The following NBEA variants were observed in gnomAD, a reference collection of about 807,000 sequenced individuals.
NBEA encodes the protein neurobeachin, also known as lysosomal-trafficking regulator 2.
NBEA carries 44 observed loss-of-function variants against 343.4 expected under a neutral mutation model. That is an observed-to-expected ratio of 0.13 (90% CI 0.10 to 0.16). The LOEUF (loss-of-function observed/expected upper bound fraction) is 0.16. NBEA is among the 10% of genes least tolerant of loss of function. NBEA has a pLI of 1.00. For missense variants in NBEA, 2,555 were observed against 3,631.3 expected (o/e 0.70, Z 7.62); for synonymous variants, 1,175 against 1,238.7 (o/e 0.95, Z 1.08).
chr13:35,287,741 A>G (rs907955892), intron 34 of NBEA, among the ~76,000 whole-genome samples: 1 of 152,004 alleles, frequency 6.6e-6, no homozygotes, highest in African/African-American at 2.4e-5. Flanking sequence ...CAAACTATTC[A>G]TGTAGCTCTG....
Position 35,671,389 on chromosome 13 carries a change from GAA to G in NBEA, c.*412_*413del, listed in dbSNP as rs35377813. ...CATTTCCAGCCTCTTTTCAAGCTGA[GAA>G]AAAAAAAAAAAAACACGTTTGATAC... On this transcript the variant is annotated 3_prime_UTR_variant, in exon 59 of 59. Transcript: ENST00000379939. 44 of 113,890 alleles carry G rather than the reference GAA, an allele frequency of 3.9e-4. No individual in the cohort carries two copies. The highest frequency in any genetic ancestry group is 5.7e-3 in the Middle Eastern group (1 of 174). The allele number at this position is 113,890 out of a possible 1,614,324, so 7.1% of individuals were successfully genotyped here. A position where few individuals can be genotyped will look rare whatever the true frequency, so the allele number is the denominator to read the frequency against.
At chr13:35,606,049 A>AT (rs1043556967) in intron 47 of NBEA, among the ~76,000 whole-genome samples, 1 of 152,142 alleles carries the variant, frequency 6.6e-6, no homozygotes, top group Non-Finnish European at 1.5e-5. Context: ...TAGTTCATAA[A>AT]TTTTCAGATG....
At chr13:34,975,409 T>G (rs951439231) in intron 1 of NBEA, among the ~76,000 whole-genome samples, 11 of 152,176 alleles carry the variant, frequency 7.2e-5, no homozygotes, top group Admixed American at 6.6e-4. Context: ...ACAAGCCACA[T>G]GTAGAAGAAT....
chr13:35,183,271 C>T (rs2071440936), intron 29 of NBEA, among the ~76,000 whole-genome samples: 2 of 151,940 alleles, frequency 1.3e-5, no homozygotes, highest in Non-Finnish European at 2.9e-5. Context: ...AAGGTTGTTT[C>T]TCTATTGTTT....
intron 49 of NBEA, among the ~76,000 whole-genome samples, chr13:35,629,348 A>G (rs1328772704): frequency 6.6e-6 from 1 of 152,170 alleles, no homozygotes; most frequent in Non-Finnish European, 1.5e-5. Context: ...AGATGGGCGC[A>G]ATGAAGCTCT....
At chr13:35,374,111 C>T (rs934737430) in intron 38 of NBEA, among the ~76,000 whole-genome samples, 13 of 152,236 alleles carry the variant, frequency 8.5e-5, no homozygotes, top group Non-Finnish European at 1.3e-4. Flanking sequence ...TTAATCATTT[C>T]TAGCTTTTGA....
At chr13:35,343,345 G>A (rs1310974058) in intron 36 of NBEA, among the ~76,000 whole-genome samples, 1 of 151,932 alleles carries the variant, frequency 6.6e-6, no homozygotes, top group African/African-American at 2.4e-5. Context: ...ATATCCAGGA[G>A]ACAAAAAAAT....
intron 52 of NBEA, among the ~76,000 whole-genome samples, chr13:35,651,325 G>A (rs144195151): frequency 1.3e-5 from 2 of 152,024 alleles, no homozygotes; most frequent in East Asian, 3.9e-4. Flanking sequence ...TTGGATGGGA[G>A]CCCCAGCTTC....
chr13:35,327,868 G>A (rs1011768995), intron 36 of NBEA, among the ~76,000 whole-genome samples: 1 of 151,892 alleles, frequency 6.6e-6, no homozygotes, highest in Admixed American at 6.6e-5. Flanking sequence ...TGTCATAGAT[G>A]TAGGAAAAGC....
At chr13:35,456,995 T>G (rs2046616712) in intron 40 of NBEA, among the ~76,000 whole-genome samples, 1 of 149,072 alleles carries the variant, frequency 6.7e-6, no homozygotes, top group African/African-American at 2.4e-5. Flanking sequence ...TATATATATA[T>G]AGATATATAG....
At chr13:35,288,764 CTTA>C in intron 34 of NBEA, among the ~76,000 whole-genome samples, 1 of 151,980 alleles carries the variant, frequency 6.6e-6, no homozygotes, top group South Asian at 2.1e-4. Flanking sequence ...ATATCAAAGC[CTTA>C]TTGTCTAAAT....
chr13:35,557,366 T>C (rs2079623613), intron 44 of NBEA, among the ~76,000 whole-genome samples: 1 of 152,126 alleles, frequency 6.6e-6, no homozygotes, highest in Admixed American at 6.6e-5. Flanking sequence ...CTGGAAAGGT[T>C]GCTGTGTCTA....
chr13:35,475,108 C>T (rs764397068), intron 41 of NBEA: 2 of 1,613,934 alleles, frequency 1.2e-6, no homozygotes, highest in African/African-American at 2.7e-5. Context: ...TCTTGCCAGT[C>T]GCCACGTTTG....
intron 1 of NBEA, among the ~76,000 whole-genome samples, chr13:35,007,501 G>A (rs1436869250): frequency 6.6e-6 from 1 of 151,800 alleles, no homozygotes; most frequent in Non-Finnish European, 1.5e-5. Context: ...TTTTTTGTTT[G>A]TTAGTTTTTG....
intron 1 of NBEA, among the ~76,000 whole-genome samples, chr13:34,978,672 G>A (rs1248165992): frequency 6.6e-6 from 1 of 152,044 alleles, no homozygotes; most frequent in Non-Finnish European, 1.5e-5. Flanking sequence ...CCATAGATTA[G>A]TATTGGCTGT....
chr13:35,407,523 A>AG (rs2043336533), intron 38 of NBEA, among the ~76,000 whole-genome samples: 1 of 152,068 alleles, frequency 6.6e-6, no homozygotes, highest in Non-Finnish European at 1.5e-5. Context: ...ATTTCAAAAA[A>AG]AAAAAAAAAG....
At chr13:35,356,104 C>T (rs1443506154) in intron 38 of NBEA, among the ~76,000 whole-genome samples, 1 of 152,030 alleles carries the variant, frequency 6.6e-6, no homozygotes, top group Non-Finnish European at 1.5e-5. Context: ...AATGAATAAA[C>T]ACTTGGTGTA....
At position 34,942,963 on chromosome 13, in the gene NBEA, C is replaced by A. The variant is rs1241309047; in HGVS notation, c.143C>A (p.Ala48Glu). The A allele has an allele frequency of 6.3e-7, 1 of 1,598,920 alleles. No individual in the cohort carries two copies. The highest frequency in any genetic ancestry group is 8.5e-7 in the Non-Finnish European group (1 of 1,173,034). Residue 48 changes from alanine (A) to glutamate (E), a missense_variant, in exon 1 of 59, where the codon GCG becomes GAG. By Grantham distance (107) the Ala-to-Glu change is moderately radical. This residue lies in a region of NBEA where 122 missense variants were observed against 91.0 expected (regional missense o/e 1.34). Transcript: ENST00000379939. ...AGCGGGATGGGGGAGCTAAGGGGGG[C>A]GTCCGGCTCCGGCTCGGTGATGCTC... ...GGSGMGELRG[A>E]SGSGSVMLPA...
intron 18 of NBEA, among the ~76,000 whole-genome samples, chr13:35,149,881 A>G (rs886262674): frequency 6.6e-6 from 1 of 152,212 alleles, no homozygotes; most frequent in African/African-American, 2.4e-5. Context: ...ACACACATAT[A>G]TGTATTTCTA....
Sources: gnomAD v4.1 joint callset for allele counts (sites outside exome capture counted in the v4.1 genomes callset) on GRCh38, gnomAD v4.1.1 for gene constraint, gnomAD v4.1.1 regional missense constraint, MANE v1.5 for transcripts, NCBI Gene and HGNC (gene_info 2026-07-23, HGNC 2026-07-21) for gene names.